DLGAP2: variants seen among roughly 807,000 people sequenced by gnomAD.
The protein encoded by DLGAP2 is DLG associated protein 2, also known as disks large-associated protein 2.
Under a neutral mutation model 100.3 loss-of-function variants are expected in DLGAP2, and 26 were observed. That is an observed-to-expected ratio of 0.26 (90% CI 0.19 to 0.36). DLGAP2 has a LOEUF of 0.36. Ranked by LOEUF, DLGAP2 falls within the 10% of genes least tolerant of loss-of-function variation. The pLI is 1.00. For synonymous variants in DLGAP2, 886 were observed against 630.1 expected (o/e 1.41, Z -6.08); for missense variants, 1,858 against 1,453.2 (o/e 1.28, Z -4.53).
intron 4 of DLGAP2, among the ~76,000 whole-genome samples, chr8:1,506,677 G>C (rs541127014): frequency 6.6e-6 from 1 of 152,276 alleles, no homozygotes; most frequent in East Asian, 1.9e-4. Context: ...CCTGCTGATT[G>C]GTCCATTTTA....
At chr8:1,040,269 T>G (rs1802295835) in intron 2 of DLGAP2, among the ~76,000 whole-genome samples, 1 of 147,350 alleles carries the variant, frequency 6.8e-6, no homozygotes, top group South Asian at 2.3e-4. Flanking sequence ...GTCAGCTCGG[T>G]GTGCGTGGTC....
intron 1 of DLGAP2, among the ~76,000 whole-genome samples, chr8:865,969 G>T (rs1232338293): frequency 6.6e-6 from 1 of 152,226 alleles, no homozygotes; most frequent in Non-Finnish European, 1.5e-5. Context: ...AGGGCAAGGG[G>T]AGTGCTTAGT....
At chr8:950,531 G>C (rs1363165332) in intron 2 of DLGAP2, among the ~76,000 whole-genome samples, 5 of 151,938 alleles carry the variant, frequency 3.3e-5, no homozygotes, top group Non-Finnish European at 5.9e-5. Flanking sequence ...TAAATTGTAA[G>C]AGCGAAATCT....
intron 4 of DLGAP2, among the ~76,000 whole-genome samples, chr8:1,508,646 A>C (rs1341644529): frequency 1.3e-5 from 2 of 148,968 alleles, no homozygotes; most frequent in African/African-American, 5.0e-5. Context: ...GGAAGCTCCC[A>C]GACATACGTA....
intron 2 of DLGAP2, chr8:1,032,989 G>C (rs368753952): frequency 6.6e-6 from 1 of 152,250 alleles, no homozygotes; most frequent in Non-Finnish European, 1.5e-5. Context: ...AAGGGTGATC[G>C]TGGGTAACTA....
At chr8:1,260,666 G>C (rs765423333) in intron 3 of DLGAP2, among the ~76,000 whole-genome samples, 2 of 152,082 alleles carry the variant, frequency 1.3e-5, no homozygotes, top group Non-Finnish European at 2.9e-5. Flanking sequence ...ATGATGTTTG[G>C]AGGCGAGGGT....
intron 2 of DLGAP2, among the ~76,000 whole-genome samples, chr8:1,237,515 T>TCTCTCACATGGCGTCTTGTCTAGTTCTC (rs1798688943): frequency 1.1e-5 from 1 of 93,080 alleles, no homozygotes; most frequent in Non-Finnish European, 2.1e-5. Context: ...GTCTAGTTGT[T>TCTCTCACATGGCGTCTTGTCTAGTTCTC]TCTCACACAG....
rs182258804 is a variant in DLGAP2, at chr8:1,195,765, G to A, written c.74-63086G>A. Among the ~76,000 whole-genome samples, 30 of 152,304 alleles carry A rather than the reference G, an allele frequency of 2.0e-4. No individual in the cohort carries two copies. In the East Asian group the frequency reaches 2.3e-3, roughly 12 times the overall value. On this transcript the variant is annotated intron_variant, in intron 2 of 14. Coordinates refer to ENST00000637795, the MANE Select transcript of DLGAP2 (RefSeq NM_001346810.2). ...CACAGATAATCGCATCACCATCGTT[G>A]CTCACCCAGGAGCTGACCGTGTGGC...
chr8:1,417,583 C>T (rs1043679755), intron 3 of DLGAP2, among the ~76,000 whole-genome samples: 3 of 143,112 alleles, frequency 2.1e-5, no homozygotes, highest in African/African-American at 5.0e-5. Context: ...GGAGAAAATG[C>T]GGACAGATAA....
intron 2 of DLGAP2, among the ~76,000 whole-genome samples, chr8:1,228,479 A>G (rs904288622): frequency 4.6e-5 from 7 of 152,210 alleles, no homozygotes; most frequent in Non-Finnish European, 7.3e-5. Flanking sequence ...TTTGTCTGAT[A>G]CTAAAACCAT....
At chr8:1,698,368 C>G (rs1315803574) in intron 14 of DLGAP2, among the ~76,000 whole-genome samples, 1 of 151,138 alleles carries the variant, frequency 6.6e-6, no homozygotes, top group East Asian at 2.0e-4. Context: ...GTAAGCCATG[C>G]ATGGGACAGG....
chr8:1,489,590 T>C (rs1029450581), intron 3 of DLGAP2, among the ~76,000 whole-genome samples: 1 of 152,200 alleles, frequency 6.6e-6, no homozygotes, highest in Non-Finnish European at 1.5e-5. Flanking sequence ...TGTTTTATAC[T>C]TAGGCATACA....
chr8:983,585 A>C lies in DLGAP2; in HGVS notation c.73+75619A>C, dbSNP rs963720917. On this transcript the variant is annotated intron_variant, in intron 2 of 14. Transcript: ENST00000637795. ...AACTTCCCTGAGACTCAGTTTACTCATTTGTTAATTGGGTGACTCTGAAGA... is the reference window on the plus strand; with the variant it reads ...AACTTCCCTGAGACTCAGTTTACTCCTTTGTTAATTGGGTGACTCTGAAGA... 5.3e-5 allele frequency among the ~76,000 whole-genome samples: 8 copies of C among 152,288 alleles called. No homozygotes were observed. The South Asian group carries it at 1.7e-3, about 32-fold the overall frequency.
chr8:1,214,692 CT>C (rs1192544235), intron 2 of DLGAP2, among the ~76,000 whole-genome samples: 1 of 152,256 alleles, frequency 6.6e-6, no homozygotes, highest in Non-Finnish European at 1.5e-5. Flanking sequence ...GCCTTTCATT[CT>C]GTGCACTGCA....
chr8:1,592,055 T>C (rs1041365602), intron 6 of DLGAP2, among the ~76,000 whole-genome samples: 15 of 152,142 alleles, frequency 9.9e-5, no homozygotes, highest in Admixed American at 4.6e-4. Context: ...GTATCCAGTC[T>C]CATTTATCCC....
intron 2 of DLGAP2, among the ~76,000 whole-genome samples, chr8:945,600 A>G (rs2129006250): frequency 6.6e-6 from 1 of 152,248 alleles, no homozygotes; most frequent in South Asian, 2.1e-4. Flanking sequence ...CCACCACTTA[A>G]CGTGCATTTG....
intron 6 of DLGAP2, among the ~76,000 whole-genome samples, chr8:1,582,094 T>A (rs942648974): frequency 1.4e-4 from 19 of 139,556 alleles, no homozygotes; most frequent in African/African-American, 5.0e-4. Context: ...CCCGCACACA[T>A]ACACACCACA....
intron 2 of DLGAP2, among the ~76,000 whole-genome samples, chr8:1,164,015 A>G (rs1404706347): frequency 6.6e-6 from 1 of 152,178 alleles, no homozygotes; most frequent in Non-Finnish European, 1.5e-5. Context: ...TTCTTAGACG[A>G]GACGCTTTCC....
chr8:1,482,762 C>T (rs149528176), intron 3 of DLGAP2, among the ~76,000 whole-genome samples: 2 of 152,234 alleles, frequency 1.3e-5, no homozygotes, highest in Admixed American at 6.5e-5. Context: ...GCCCCAAACA[C>T]AGAGTAGGAG....
Sources: allele counts gnomAD v4.1 joint callset (sites outside exome capture counted in the v4.1 genomes callset), GRCh38; gene constraint gnomAD v4.1.1; transcripts MANE v1.5; gene names NCBI Gene and HGNC (gene_info 2026-07-23, HGNC 2026-07-21).